The following MUC15 variants were observed in gnomAD, a reference collection of about 807,000 sequenced individuals.
The protein encoded by MUC15 is mucin-15.
Under a neutral mutation model 24.0 loss-of-function variants are expected in MUC15, and 23 were observed. The ratio of observed to expected loss-of-function variants is 0.96; its 90% CI spans 0.69 to 1.36. MUC15 has a LOEUF of 1.36. Among genes scored for constraint, MUC15 ranks in the 40% most tolerant of loss-of-function variants. The pLI, the probability that MUC15 is intolerant of heterozygous loss-of-function variation, is 0.00. For synonymous variants in MUC15, 151 were observed against 156.3 expected, an observed-to-expected ratio of 0.97 and a Z score of 0.25; for missense variants, 442 against 428.2, an observed-to-expected ratio of 1.03 and a Z score of -0.29.
At chr11:26,566,734 G>A (rs1435536868) in intron 2 of MUC15, among the ~76,000 whole-genome samples, 1 of 151,890 alleles carries the variant, frequency 6.6e-6, no homozygotes, top group African/African-American at 2.4e-5. Context: ...AAGTGTGGAA[G>A]TGCCACAATT....
At chr11:26,564,684 C>CAT (rs1166462594) in intron 3 of MUC15, among the ~76,000 whole-genome samples, 6,893 of 78,510 alleles carry the variant, frequency 0.088, 1,047 homozygotes, top group South Asian at 0.2. Context: ...TATATATACT[C>CAT]ATATATATAC....
Position 26,559,945 on chromosome 11 carries a change from G to T in MUC15, c.*1120C>A. 2 of 508,510 alleles carry T rather than the reference G, an allele frequency of 3.9e-6. No individual in the cohort carries two copies. The highest frequency in any genetic ancestry group is 7.0e-6 in the Non-Finnish European group (2 of 285,080). 31.5% of individuals were successfully genotyped at this position (508,510 alleles called of 1,614,324 possible). On this transcript the variant is annotated 3_prime_UTR_variant, in exon 5 of 5. Transcript: ENST00000529533. ...TGTTTGCTCTCTTCATATATTCAGT[G>T]CTTCTTTAGGAATTTAACTCTTGAT...
At chr11:26,564,447 G>T (rs887608698) in intron 3 of MUC15, among the ~76,000 whole-genome samples, 2 of 149,972 alleles carry the variant, frequency 1.3e-5, no homozygotes, top group African/African-American at 4.9e-5. Context: ...AAATTTCAAG[G>T]GGGGAAAATA....
In MUC15 at chr11:26,559,622, A is replaced by G. The variant is rs913776947; in HGVS notation, c.*1443T>C. The G allele has an allele frequency of 1.2e-6, 1 of 827,862 alleles. No homozygotes were observed. Among genetic ancestry groups the G allele is most frequent in the Non-Finnish European group, 2.1e-6 (1 of 480,308 alleles). The allele number at this position is 827,862 out of a possible 1,614,324, so 51.3% of individuals were successfully genotyped here. The stretch of plus-strand genomic sequence containing the variant: ...CTGTACTATAAAATAATATGATTCT[A>G]TTTGAGAAAAAATCATAGTACCTGA... On this transcript the variant is annotated 3_prime_UTR_variant, in exon 5 of 5. Transcript: ENST00000529533.
At position 26,563,145 on chromosome 11, in the gene MUC15, C is replaced by A; in HGVS notation, c.896G>T (p.Arg299Leu). 6.2e-7 allele frequency: 1 copy of A among 1,611,730 alleles called. No individual in the cohort carries two copies. Among genetic ancestry groups the A allele is most frequent in the Non-Finnish European group, 8.5e-7 (1 of 1,178,624 alleles). ...GKRKTDSFSH[R>L]RLYDDRNEPV... ...TTCATTTCTGTCGTCATAAAGTCGC[C>A]GATGGGAAAATGAATCCGTTTTCCT... is the stretch of plus-strand genomic sequence containing the variant. Residue 299 changes from arginine to leucine, a missense_variant, in exon 4 of 5, where the codon CGG (arginine) becomes CTG (leucine). Arg to Leu is a moderately radical substitution (Grantham distance 102, BLOSUM62 -2). Coordinates refer to ENST00000529533, the MANE Select transcript of MUC15 (RefSeq NM_001135091.2).
In MUC15 at chr11:26,565,337, T is replaced by C. The variant is rs777026574; in HGVS notation, c.603A>G (p.Glu201=). The change falls in exon 3 of 5, where the codon GAA becomes GAG. Residue 201 remains glutamate, a synonymous_variant. Coordinates refer to ENST00000529533, the MANE Select transcript of MUC15 (RefSeq NM_001135091.2). ...SSITVSILSS[E]PTSPSVTPLI... ...AGGGGGTCACAGATGGAGAAGTTGGTTCTGAAGAGAGGATGCTAACTGTAA... is the reference window on the plus strand; with the variant it reads ...AGGGGGTCACAGATGGAGAAGTTGGCTCTGAAGAGAGGATGCTAACTGTAA... 3.7e-6 allele frequency: 6 copies of C among 1,612,194 alleles called. No individual in the cohort carries two copies. Among genetic ancestry groups the C allele is most frequent in the Non-Finnish European group, 5.1e-6 (6 of 1,178,934 alleles).
rs945841832 is a variant in MUC15 at position 26,562,979 on chromosome 11, T to C, written c.925+137A>G. On this transcript the variant is annotated intron_variant, in intron 4 of 4. Transcript: ENST00000529533. Reference sequence around the variant, plus strand: ...GTTTTGTTCTTTGATAAACAGAAGGTGGATCAGAATAAGTCTTTAGTTTGT... The same window carrying C: ...GTTTTGTTCTTTGATAAACAGAAGGCGGATCAGAATAAGTCTTTAGTTTGT... 7 of 1,209,096 alleles carry C rather than the reference T, an allele frequency of 5.8e-6. No homozygotes were observed. In the Admixed American group the frequency reaches 2.0e-4, roughly 35 times the overall value. The allele number at this position is 1,209,096 out of a possible 1,614,324, so 74.9% of individuals were successfully genotyped here.
At chr11:26,563,093 G>A (rs1163102214) in intron 4 of MUC15, 23 bp downstream of exon 4, 2 of 1,609,192 alleles carry the variant, frequency 1.2e-6, no homozygotes, top group East Asian at 2.2e-5. Context: ...GTGCCCAGGT[G>A]AAGTATTGAA....
chr11:26,567,053 A>T lies in MUC15; in HGVS notation c.42T>A (p.Cys14Ter). 1 of 1,509,098 alleles carries T rather than the reference A, an allele frequency of 6.6e-7. No homozygotes were observed. The highest frequency in any genetic ancestry group is 8.9e-7 in the Non-Finnish European group (1 of 1,123,724). 93.5% of individuals were successfully genotyped at this position (1,509,098 alleles called of 1,614,324 possible). The change falls in exon 2 of 5, where the codon TGT becomes TGA. Residue 14 changes from cysteine (C) to a stop codon, truncating the protein, a stop_gained and splice_region_variant. Coordinates refer to ENST00000529533, the MANE Select transcript of MUC15 (RefSeq NM_001135091.2). LOFTEE classifies it high-confidence loss of function. ...IQSILATSRD[C>*]YSFKKKPIPK... Reference sequence around the variant, plus strand: ...AGTATCATCTTATTTGATACTTACAACAATCCCTTGATGTGGCAAGAATAG... The same window carrying T: ...AGTATCATCTTATTTGATACTTACATCAATCCCTTGATGTGGCAAGAATAG...
intron 2 of MUC15, among the ~76,000 whole-genome samples, chr11:26,566,353 A>G (rs970662561): frequency 1.3e-5 from 2 of 152,034 alleles, no homozygotes; most frequent in Non-Finnish European, 2.9e-5. Flanking sequence ...CATTTGAAAT[A>G]TTTATTATGA....
Position 26,565,030 on chromosome 11 carries a change from C to T in MUC15, c.775+135G>A, listed in dbSNP as rs372603012. Reference sequence around the variant, plus strand: ...TTTCTAGTGACTATAATGATCATCCCTCAAAAGTGAGAAAATCCATGCTAT... The same window carrying T: ...TTTCTAGTGACTATAATGATCATCCTTCAAAAGTGAGAAAATCCATGCTAT... On this transcript the variant is annotated intron_variant, in intron 3 of 4. Coordinates refer to ENST00000529533, the MANE Select transcript of MUC15 (RefSeq NM_001135091.2). 9 of 880,972 alleles carry T rather than the reference C, an allele frequency of 1.0e-5. No homozygotes were observed. The Middle Eastern group carries it at 1.1e-3, about 111-fold the overall frequency. The allele number at this position is 880,972 out of a possible 1,614,324, so 54.6% of individuals were successfully genotyped here.
intron 1 of MUC15, among the ~76,000 whole-genome samples, chr11:26,569,133 C>A (rs1233152379): frequency 6.6e-6 from 1 of 152,012 alleles, no homozygotes; most frequent in East Asian, 1.9e-4. Context: ...AAAGTGAATT[C>A]TGTTGTTCCT....
At chr11:26,561,958 G>GCCAT (rs1428669067) in intron 4 of MUC15, among the ~76,000 whole-genome samples, 1 of 151,714 alleles carries the variant, frequency 6.6e-6, no homozygotes, top group East Asian at 1.9e-4. Context: ...TATTCCTGTA[G>GCCAT]CCATCTGTTT....
rs550931609 is a variant in MUC15, at chr11:26,569,009, G to T, written c.-45-1870C>A. ...CTTCCTAATAAAGTGGTCACCAGTG[G>T]GGGGAAAAATGTCCTTAGCTGTTCT... On this transcript the variant is annotated intron_variant, in intron 1 of 4. Transcript: ENST00000529533. Among the ~76,000 whole-genome samples the T allele has an allele frequency of 7.9e-5, 12 of 152,020 alleles. No homozygotes were observed. The South Asian group carries it at 2.5e-3, about 32-fold the overall frequency.
chr11:26,563,223 G>A lies in MUC15; in HGVS notation c.818C>T (p.Ala273Val), dbSNP rs568643823. Residue 273 changes from alanine to valine, a missense_variant, in exon 4 of 5, where the codon GCT (alanine) becomes GTT (valine). Transcript: ENST00000529533. ...AGTAAGCAATGAGACACCCAGAATAGCACCTAAAATGGCCCCGAATACTAT... is the reference window on the plus strand; with the variant it reads ...AGTAAGCAATGAGACACCCAGAATAACACCTAAAATGGCCCCGAATACTAT... ...TGIVFGAILGAILGVSLLTLV... is the reference protein window; with the variant it reads ...TGIVFGAILGVILGVSLLTLV... 12 of 1,611,088 alleles carry A rather than the reference G, an allele frequency of 7.4e-6. No homozygotes were observed. In the South Asian group the frequency reaches 1.2e-4, roughly 16 times the overall value.
intron 1 of MUC15, among the ~76,000 whole-genome samples, chr11:26,567,846 G>C (rs914917276): frequency 1.3e-5 from 2 of 151,972 alleles, no homozygotes; most frequent in African/African-American, 4.8e-5. Flanking sequence ...AGAGCTGTAT[G>C]CAACGACATG....
chr11:26,569,814 C>A (rs1354745450), intron 1 of MUC15, among the ~76,000 whole-genome samples: 1 of 152,070 alleles, frequency 6.6e-6, no homozygotes, highest in African/African-American at 2.4e-5. Flanking sequence ...TCCCTGAGTG[C>A]ACCCAAGTTC....
intron 4 of MUC15, among the ~76,000 whole-genome samples, chr11:26,561,513 T>C (rs1286830766): frequency 6.6e-6 from 1 of 151,984 alleles, no homozygotes; most frequent in Non-Finnish European, 1.5e-5. Context: ...CATAAAGAAG[T>C]GTAGACCATA....
At chr11:26,565,056 T>G in intron 3 of MUC15, 109 bp downstream of exon 3, 1 of 1,102,502 alleles carries the variant, frequency 9.1e-7, no homozygotes, top group South Asian at 2.0e-5. Flanking sequence ...TCCATGCTAT[T>G]GTGTTCTCTT....
Sources: allele counts gnomAD v4.1 joint callset (sites outside exome capture counted in the v4.1 genomes callset), GRCh38; gene constraint gnomAD v4.1.1; transcripts MANE v1.5; gene names NCBI Gene and HGNC (gene_info 2026-07-23, HGNC 2026-07-21).